The following PHAX variants were observed in gnomAD, a reference collection of about 807,000 sequenced individuals.
The protein encoded by PHAX is phosphorylated adaptor for RNA export, also known as phosphorylated adapter RNA export protein.
Under a neutral mutation model 41.6 loss-of-function variants are expected in PHAX, and 31 were observed. That is an observed-to-expected ratio of 0.75 (90% CI 0.56 to 1.01). The LOEUF is 1.01. Among genes scored for constraint, PHAX ranks in the 50% least tolerant of loss-of-function variants. PHAX has a pLI of 0.00. For synonymous variants in PHAX, 175 were observed against 164.9 expected, an observed-to-expected ratio of 1.06 and a Z score of -0.47; for missense variants, 453 against 472.9, an observed-to-expected ratio of 0.96 and a Z score of 0.39.
At chr5:126,608,562 C>G in intron 3 of PHAX, 78 bp downstream of exon 3, 1 of 1,093,940 alleles carries the variant, frequency 9.1e-7, no homozygotes, top group Non-Finnish European at 1.4e-6. Flanking sequence ...TAACTTTGCC[C>G]TTGTTGGATC....
At chr5:126,608,668 G>A (rs984923896) in intron 3 of PHAX, among the ~76,000 whole-genome samples, 184 bp downstream of exon 3, 1 of 152,106 alleles carries the variant, frequency 6.6e-6, no homozygotes, top group African/African-American at 2.4e-5. Context: ...CAGGCACGGT[G>A]GCTCAAGCCT....
intron 4 of PHAX, among the ~76,000 whole-genome samples, 176 bp from the exon 5 acceptor site, chr5:126,624,399 G>A (rs1316849122): frequency 1.3e-5 from 2 of 152,102 alleles, no homozygotes; most frequent in African/African-American, 4.8e-5. Flanking sequence ...GTTTAAATCA[G>A]TTTCAATCTT....
In PHAX at chr5:126,624,777, C is replaced by G. The variant is rs754470429; in HGVS notation, c.1118C>G (p.Ala373Gly). The G allele has an allele frequency of 2.5e-6, 4 of 1,613,760 alleles. No individual in the cohort carries two copies. Among genetic ancestry groups the G allele is most frequent in the Non-Finnish European group, 2.5e-6 (3 of 1,179,938 alleles). ...CTTGATGAGTCACAGGAAGGACATG[C>G]AGAAGCCAAGTTGGAGGCAGAGGAA... ...ASLDESQEGHAEAKLEAEEAI... is the reference protein window; with the variant it reads ...ASLDESQEGHGEAKLEAEEAI... The change falls in exon 5 of 5, where the codon GCA (alanine) becomes GGA (glycine). Residue 373 changes from alanine (A) to glycine (G), a missense_variant. By Grantham distance (60) the Ala-to-Gly change is moderately conservative (BLOSUM62 0). Transcript: ENST00000297540.
intron 1 of PHAX, among the ~76,000 whole-genome samples, chr5:126,601,876 A>T (rs918971701): frequency 2.6e-5 from 4 of 152,348 alleles, no homozygotes; most frequent in Admixed American, 2.0e-4. Flanking sequence ...CATGTTGCCC[A>T]GGCTGGTCTC....
intron 2 of PHAX, among the ~76,000 whole-genome samples, chr5:126,605,133 G>A (rs921015547): frequency 6.6e-6 from 1 of 151,686 alleles, no homozygotes; most frequent in African/African-American, 2.4e-5. Flanking sequence ...AAAGTGCTGG[G>A]ATTATATGCA....
chr5:126,610,811 A>G (rs1752083155), intron 3 of PHAX, among the ~76,000 whole-genome samples: 2 of 152,146 alleles, frequency 1.3e-5, no homozygotes, highest in South Asian at 4.1e-4. Flanking sequence ...GGCTCAAGCC[A>G]TCCCCCACCT....
chr5:126,602,343 A>G (rs1040264917), intron 1 of PHAX, among the ~76,000 whole-genome samples: 2 of 152,214 alleles, frequency 1.3e-5, no homozygotes, highest in African/African-American at 4.8e-5. Flanking sequence ...CTGTGTTCAG[A>G]TCCTGGGGCC....
Position 126,603,891 on chromosome 5 carries a change from G to T in PHAX, c.418G>T (p.Glu140Ter). The T allele has an allele frequency of 6.2e-7, 1 of 1,614,058 alleles. No individual in the cohort carries two copies. The highest frequency in any genetic ancestry group is 8.5e-7 in the Non-Finnish European group (1 of 1,180,004). Residue 140 changes from glutamate (E) to a stop codon, truncating the protein, a stop_gained, in exon 2 of 5, where the codon GAG (glutamate) becomes TAG (stop). Transcript: ENST00000297540. LOFTEE classifies it high-confidence loss of function. ...VATELGILGM[E>*]GTIDRSRQSE... is the part of the protein sequence containing the mutation. ...CACTGAACTTGGTATCTTGGGAATG[G>T]AGGGCACTATTGACAGAAGCAGACA...
chr5:126,606,059 T>C (rs1230100676), intron 2 of PHAX, among the ~76,000 whole-genome samples: 2 of 152,228 alleles, frequency 1.3e-5, no homozygotes, highest in East Asian at 3.8e-4. Flanking sequence ...TTTCTGTCTA[T>C]AAATTTGCCT....
At chr5:126,601,415 C>T (rs551393559) in intron 1 of PHAX, among the ~76,000 whole-genome samples, 3 of 152,298 alleles carry the variant, frequency 2.0e-5, no homozygotes, top group African/African-American at 7.2e-5. Flanking sequence ...ACCGCTCTTT[C>T]TTTTCTAAAC....
chr5:126,608,493 G>C lies in PHAX; in HGVS notation c.831+9G>C, dbSNP rs182365795. The C allele has an allele frequency of 6.2e-7, 1 of 1,605,626 alleles. No homozygotes were observed. Reference sequence around the variant, plus strand: ...GTGGTCTCTTTATAATGGTAAGACTGCTTAACTGTTTTTGTTTTTGTATTG... The same window carrying C: ...GTGGTCTCTTTATAATGGTAAGACTCCTTAACTGTTTTTGTTTTTGTATTG... On this transcript the variant is annotated intron_variant, in intron 3 of 4. Transcript: ENST00000297540.
At chr5:126,622,016 G>A (rs1388598344) in intron 4 of PHAX, among the ~76,000 whole-genome samples, 1 of 152,086 alleles carries the variant, frequency 6.6e-6, no homozygotes, top group Non-Finnish European at 1.5e-5. Context: ...TGCCCAGGCT[G>A]GAGTGCAGTG....
chr5:126,623,338 C>T (rs1394785141), intron 4 of PHAX, among the ~76,000 whole-genome samples: 1 of 152,154 alleles, frequency 6.6e-6, no homozygotes, highest in African/African-American at 2.4e-5. Flanking sequence ...TGAGTTCAGA[C>T]TTCATACCTT....
intron 2 of PHAX, among the ~76,000 whole-genome samples, chr5:126,606,988 A>C (rs1480549161): frequency 2.6e-5 from 4 of 152,168 alleles, no homozygotes; most frequent in African/African-American, 9.7e-5. Context: ...AAATACCCAG[A>C]AGTAGAATTG....
intron 3 of PHAX, among the ~76,000 whole-genome samples, chr5:126,616,607 C>T (rs961504982): frequency 1.3e-5 from 2 of 151,826 alleles, no homozygotes; most frequent in African/African-American, 2.4e-5. Context: ...ATGGTGGGTG[C>T]GGTGGCTCAC....
chr5:126,615,109 C>CT lies in PHAX; in HGVS notation c.832-2130dup, dbSNP rs34630842. ...ACTATGCATACTATTCTATACCTTG[C>CT]TTTTTTTTTTTAACTTAATTTCTCT... On this transcript the variant is annotated intron_variant, in intron 3 of 4. Coordinates refer to ENST00000297540, the MANE Select transcript of PHAX (RefSeq NM_032177.4). Among the ~76,000 whole-genome samples, 379 of 146,274 alleles carry CT rather than the reference C, an allele frequency of 2.6e-3. 3 individuals carry two copies. Among genetic ancestry groups the CT allele is most frequent in the African/African-American group, 7.4e-3 (297 of 39,956 alleles).
chr5:126,604,143 G>C lies in PHAX; in HGVS notation c.670G>C (p.Glu224Gln). Residue 224 changes from glutamate (E) to glutamine (Q), a missense_variant, in exon 2 of 5, where the codon GAA becomes CAA. By Grantham distance (29) the Glu-to-Gln change is conservative (BLOSUM62 2). Coordinates refer to ENST00000297540, the MANE Select transcript of PHAX (RefSeq NM_032177.4). ...TAAAGGTCGATACGAGATCACAGCG[G>C]AAGATTCTCAAGAGAAAGTGGCTGA... Reference protein sequence around the residue: ...NYKGRYEITAEDSQEKVADEI... With the variant: ...NYKGRYEITAQDSQEKVADEI... 6.4e-7 allele frequency: 1 copy of C among 1,556,586 alleles called. No individual in the cohort carries two copies.
At chr5:126,608,312 C>A in intron 2 of PHAX, 52 bp from the exon 3 acceptor site, 3 of 1,561,370 alleles carry the variant, frequency 1.9e-6, no homozygotes, top group South Asian at 1.2e-5. Flanking sequence ...AGGTAGATTT[C>A]TTCAACTTTG....
intron 2 of PHAX, among the ~76,000 whole-genome samples, chr5:126,606,478 A>G (rs1332043725): frequency 2.6e-5 from 4 of 152,300 alleles, no homozygotes; most frequent in African/African-American, 7.2e-5. Flanking sequence ...CACTGTGCCC[A>G]GCCAATGTTG....
Sources: allele counts gnomAD v4.1 joint callset (sites outside exome capture counted in the v4.1 genomes callset), GRCh38; gene constraint gnomAD v4.1.1; transcripts MANE v1.5; gene names NCBI Gene and HGNC (gene_info 2026-07-23, HGNC 2026-07-21).